RAB6A: variants seen among roughly 807,000 people sequenced by gnomAD.
The protein encoded by RAB6A is RAB6A, member RAS oncogene family.
RAB6A carries 8 observed loss-of-function variants against 32.3 expected under a neutral mutation model. The observed-to-expected ratio is 0.25, with a 90% CI of 0.15 to 0.45. The LOEUF (loss-of-function observed/expected upper bound fraction) is 0.45, where lower values mean the gene tolerates loss of function less well. Ranked by LOEUF, RAB6A falls within the 20% of genes least tolerant of loss-of-function variation. RAB6A has a pLI of 1.00. For synonymous variants in RAB6A, 73 were observed against 82.1 expected, an observed-to-expected ratio of 0.89 and a Z score of 0.60; for missense variants, 104 against 249.4, an observed-to-expected ratio of 0.42 and a Z score of 3.93.
chr11:73,719,956 A>C (rs1262277740), intron 3 of RAB6A, among the ~76,000 whole-genome samples: 1 of 151,548 alleles, frequency 6.6e-6, no homozygotes, highest in Admixed American at 6.6e-5. Flanking sequence ...ATATCAAAAC[A>C]TAAAAGAGAA....
chr11:73,707,455 C>T lies in RAB6A; in HGVS notation c.460G>A (p.Glu154Lys). ...TTGTATCCAGCTTTTGCACTAGTTT[C>T]AATAAACATAACATTCAGCTCTTTG... is the stretch of plus-strand genomic sequence containing the variant. ...KAKELNVMFI[E>K]TSAKAGYNVK... The change falls in exon 6 of 8, where the codon GAA (glutamate) becomes AAA (lysine). Residue 154 changes from glutamate to lysine, a missense_variant. Glu to Lys is a moderately conservative substitution (Grantham distance 56). Around this residue, in one of 4 missense-constraint regions of RAB6A, gnomAD observed 33 missense variants for 59.5 expected, o/e 0.55. Coordinates refer to ENST00000336083, the MANE Select transcript of RAB6A (RefSeq NM_198896.2). 2 of 1,613,778 alleles carry T rather than the reference C, an allele frequency of 1.2e-6. No individual in the cohort carries two copies. Among genetic ancestry groups the T allele is most frequent in the Non-Finnish European group, 1.7e-6 (2 of 1,179,806 alleles).
chr11:73,678,870 C>A lies in RAB6A; in HGVS notation c.562+784G>T, dbSNP rs1381593063. ...CCTCCTTAGTAGCTGGGATTACAGG[C>A]GTGCACTATCACGCCCAGGTAATTT... On this transcript the variant is annotated intron_variant, in intron 7 of 7. Coordinates refer to ENST00000336083, the MANE Select transcript of RAB6A (RefSeq NM_198896.2). 4.0e-5 allele frequency among the ~76,000 whole-genome samples: 6 copies of A among 151,420 alleles called. No homozygotes were observed. The East Asian group carries it at 1.2e-3, about 30-fold the overall frequency.
At position 73,676,371 on chromosome 11, in the gene RAB6A, T is replaced by A. The variant is rs1022362024; in HGVS notation, c.*1527A>T. The A allele has an allele frequency of 6.0e-6, 1 of 166,896 alleles. No homozygotes were observed. The highest frequency in any genetic ancestry group is 2.4e-5 in the African/African-American group (1 of 41,384). The allele number at this position is 166,896 out of a possible 1,614,324, so 10.3% of individuals were successfully genotyped here. A position where few individuals can be genotyped will look rare whatever the true frequency, so the allele number is the denominator to read the frequency against. ...GCAATCTCACAATAACTAGTAAAGA[T>A]TAAAAGGGCACACTCCTAGTATATT... On this transcript the variant is annotated 3_prime_UTR_variant, in exon 8 of 8. Coordinates refer to ENST00000336083, the MANE Select transcript of RAB6A (RefSeq NM_198896.2).
chr11:73,701,065 AT>A (rs1214404618), intron 6 of RAB6A, among the ~76,000 whole-genome samples: 6 of 152,200 alleles, frequency 3.9e-5, no homozygotes, highest in African/African-American at 1.4e-4. Flanking sequence ...TTAAGCTTTT[AT>A]TATGTGATGT....
At chr11:73,703,954 C>T (rs1004063021) in intron 6 of RAB6A, among the ~76,000 whole-genome samples, 40 of 143,324 alleles carry the variant, frequency 2.8e-4, no homozygotes, top group African/African-American at 1.0e-3. Flanking sequence ...TGCTTGAACC[C>T]GGGAGGCAAG....
intron 1 of RAB6A, among the ~76,000 whole-genome samples, chr11:73,753,355 C>A (rs1007353446): frequency 6.6e-6 from 1 of 152,020 alleles, no homozygotes; most frequent in Admixed American, 6.5e-5. Flanking sequence ...CGCCATCATG[C>A]CCAGCTAATT....
chr11:73,700,609 TGGGG>T (rs59223959), intron 6 of RAB6A, among the ~76,000 whole-genome samples: 50 of 28,622 alleles, frequency 1.7e-3, no homozygotes, highest in South Asian at 2.3e-3. Flanking sequence ...AGTGTGTGTG[TGGGG>T]GGGGGGGGGG....
At chr11:73,707,867 C>A (rs574736136) in intron 5 of RAB6A, among the ~76,000 whole-genome samples, 5 of 152,188 alleles carry the variant, frequency 3.3e-5, no homozygotes, top group South Asian at 4.1e-4. Flanking sequence ...CCAGTCTGGG[C>A]AACAGAACCT....
chr11:73,691,128 C>T (rs1421244663), intron 6 of RAB6A, among the ~76,000 whole-genome samples: 3 of 152,084 alleles, frequency 2.0e-5, no homozygotes, highest in Non-Finnish European at 4.4e-5. Context: ...GGGCCTGCCA[C>T]GCCAGCCAGG....
chr11:73,715,870 T>A (rs951032801), intron 5 of RAB6A, among the ~76,000 whole-genome samples: 3 of 152,158 alleles, frequency 2.0e-5, no homozygotes, highest in African/African-American at 7.2e-5. Flanking sequence ...ATAAGAAGAC[T>A]ACTAAGAAAA....
chr11:73,704,313 G>C (rs1355795928), intron 6 of RAB6A: 3 of 291,930 alleles, frequency 1.0e-5, no homozygotes, highest in African/African-American at 2.2e-5. Flanking sequence ...AGCCTGAGAG[G>C]TCAAGGCTGC....
chr11:73,683,428 G>C (rs1184807608), intron 6 of RAB6A, among the ~76,000 whole-genome samples: 1 of 151,184 alleles, frequency 6.6e-6, no homozygotes, highest in Non-Finnish European at 1.5e-5. Context: ...GCTAATTTTT[G>C]TATTTTTTTT....
intron 4 of RAB6A, among the ~76,000 whole-genome samples, chr11:73,717,291 T>C (rs1396291259): frequency 2.6e-5 from 4 of 152,230 alleles, no homozygotes. Context: ...CTAGTCCAAA[T>C]GAATAGTTCC....
At chr11:73,730,712 A>G (rs1946289677) in intron 2 of RAB6A, 53 bp downstream of exon 2, 2 of 1,385,218 alleles carry the variant, frequency 1.4e-6, no homozygotes, top group South Asian at 1.2e-5. Flanking sequence ...AATATCTTGA[A>G]TATTACTTGT....
At chr11:73,745,240 A>C (rs2135002154) in intron 1 of RAB6A, among the ~76,000 whole-genome samples, 1 of 152,268 alleles carries the variant, frequency 6.6e-6, no homozygotes, top group South Asian at 2.1e-4. Flanking sequence ...CAAGAACTGT[A>C]TTTTTCTTGT....
chr11:73,701,783 G>A (rs572230968), intron 6 of RAB6A, among the ~76,000 whole-genome samples: 1 of 152,212 alleles, frequency 6.6e-6, no homozygotes, highest in South Asian at 2.1e-4. Context: ...CTCCCAAGTA[G>A]TTGGGACTAC....
At chr11:73,723,340 T>C (rs1032109823) in intron 2 of RAB6A, among the ~76,000 whole-genome samples, 1 of 151,582 alleles carries the variant, frequency 6.6e-6, no homozygotes, top group Non-Finnish European at 1.5e-5. Context: ...TTTATTTATT[T>C]TGAGAGACAG....
At chr11:73,686,906 A>G (rs1428904384) in intron 6 of RAB6A, among the ~76,000 whole-genome samples, 1 of 152,146 alleles carries the variant, frequency 6.6e-6, no homozygotes, top group Non-Finnish European at 1.5e-5. Flanking sequence ...TGAAAGCAGT[A>G]AACAGATATT....
rs541589461 is a variant in RAB6A, at chr11:73,743,264, C to T, written c.71-12441G>A. 1.1e-4 allele frequency among the ~76,000 whole-genome samples: 16 copies of T among 148,788 alleles called. No homozygotes were observed. The South Asian group carries it at 3.2e-3, about 30-fold the overall frequency. ...AGGTTGCAATGACCCAAGATTGCGC[C>T]ACCGCACTCCAGCCTGATCAACAGA... On this transcript the variant is annotated intron_variant, in intron 1 of 7. Transcript: ENST00000336083.
Sources: allele counts gnomAD v4.1 joint callset (sites outside exome capture counted in the v4.1 genomes callset), GRCh38; gene constraint gnomAD v4.1.1; regional missense constraint gnomAD v4.1.1; transcripts MANE v1.5; gene names NCBI Gene and HGNC (gene_info 2026-07-23, HGNC 2026-07-21).